Variants in TACR3 observed in about 807,000 individuals in gnomAD.
The protein encoded by TACR3 is neuromedin-K receptor.
A neutral mutation model predicts 35.0 loss-of-function variants in TACR3; 34 were observed. The observed-to-expected ratio is 0.97, with a 90% CI of 0.74 to 1.30. The LOEUF is 1.30. TACR3 is among the 50% of genes most tolerant of loss of function. The probability of loss-of-function intolerance (pLI) is 0.00; values close to 1 mark genes in which losing one functional copy is unlikely to be tolerated. For synonymous variants in TACR3, 233 were observed against 221.1 expected (o/e 1.05, Z -0.48); for missense variants, 558 against 591.7 (o/e 0.94, Z 0.59).
At chr4:103,611,919 A>ATATC (rs1724521109) in intron 3 of TACR3, among the ~76,000 whole-genome samples, 1 of 152,172 alleles carries the variant, frequency 6.6e-6, no homozygotes, top group African/African-American at 2.4e-5. Flanking sequence ...AATAAGTCTT[A>ATATC]TATCTTTTAA....
At chr4:103,678,562 C>T (rs1455146950) in intron 1 of TACR3, among the ~76,000 whole-genome samples, 1 of 152,038 alleles carries the variant, frequency 6.6e-6, no homozygotes, top group African/African-American at 2.4e-5. Flanking sequence ...CTTTAAAAAT[C>T]ACCTCCATTC....
At chr4:103,686,108 C>T (rs1051891749) in intron 1 of TACR3, among the ~76,000 whole-genome samples, 88 of 152,250 alleles carry the variant, frequency 5.8e-4, no homozygotes, top group African/African-American at 2.0e-3. Flanking sequence ...CAGGATGATT[C>T]AGGGGAAGAG....
chr4:103,640,610 C>T (rs185151177), intron 3 of TACR3, among the ~76,000 whole-genome samples: 1 of 152,040 alleles, frequency 6.6e-6, no homozygotes, highest in African/African-American at 2.4e-5. Flanking sequence ...TTCTCCTAAT[C>T]CATTCATTGT....
At chr4:103,709,742 G>T (rs1578267836) in intron 1 of TACR3, among the ~76,000 whole-genome samples, 1 of 152,094 alleles carries the variant, frequency 6.6e-6, no homozygotes, top group Non-Finnish European at 1.5e-5. Context: ...AACCATCAGT[G>T]TGCTGAATTC....
At chr4:103,650,641 AT>A (rs1294738212) in intron 3 of TACR3, among the ~76,000 whole-genome samples, 1 of 68,926 alleles carries the variant, frequency 1.5e-5, no homozygotes, top group Non-Finnish European at 2.5e-5. Flanking sequence ...TATAATATAT[AT>A]TTAATATATA....
chr4:103,691,734 G>C (rs1722406856), intron 1 of TACR3, among the ~76,000 whole-genome samples: 1 of 152,106 alleles, frequency 6.6e-6, no homozygotes, highest in South Asian at 2.1e-4. Context: ...GCCTGCCCAG[G>C]GCGGAAAACT....
chr4:103,648,420 C>T (rs1578241938), intron 3 of TACR3, among the ~76,000 whole-genome samples: 1 of 148,494 alleles, frequency 6.7e-6, no homozygotes, highest in African/African-American at 2.5e-5. Context: ...TAACACTTCC[C>T]ACTTCACCCC....
At chr4:103,703,926 C>A (rs994168126) in intron 1 of TACR3, among the ~76,000 whole-genome samples, 13 of 151,472 alleles carry the variant, frequency 8.6e-5, no homozygotes, top group Non-Finnish European at 1.3e-4. Context: ...CAGTGAAACC[C>A]CATCTCTACT....
intron 3 of TACR3, among the ~76,000 whole-genome samples, chr4:103,614,935 C>T (rs146793136): frequency 0.093 from 10,971 of 118,382 alleles, 621 homozygotes; most frequent in Non-Finnish European, 0.13. Context: ...TGCTCTGTCA[C>T]CCAGTCTGGA....
rs1187125858 is a variant in TACR3 at position 103,630,435 on chromosome 4, CCTAT to C, written c.888+25755_888+25758del. 6.6e-5 allele frequency among the ~76,000 whole-genome samples: 10 copies of C among 152,100 alleles called. No homozygotes were observed. In the South Asian group the frequency reaches 1.2e-3, roughly 19 times the overall value. The stretch of plus-strand genomic sequence containing the variant: ...AGTGTGAGAAAATCTTTGCAATCTA[CCTAT>C]CTAACAAACGGCTAATATCCAGAAT... On this transcript the variant is annotated intron_variant, in intron 3 of 4. Coordinates refer to ENST00000304883, the MANE Select transcript of TACR3 (RefSeq NM_001059.3).
At chr4:103,594,180 C>A (rs1305426459) in intron 3 of TACR3, among the ~76,000 whole-genome samples, 3 of 86,322 alleles carry the variant, frequency 3.5e-5, no homozygotes, top group East Asian at 1.4e-3. Context: ...CCAAAAATAA[C>A]CTTTTTTTTT....
At chr4:103,612,289 C>T (rs2110297897) in intron 3 of TACR3, among the ~76,000 whole-genome samples, 1 of 152,288 alleles carries the variant, frequency 6.6e-6, no homozygotes, top group Non-Finnish European at 1.5e-5. Flanking sequence ...TGCTCTTCTC[C>T]TAATTCTTTG....
intron 3 of TACR3, among the ~76,000 whole-genome samples, chr4:103,645,233 TAAAG>T (rs1289847191): frequency 6.6e-6 from 1 of 151,900 alleles, no homozygotes; most frequent in Admixed American, 6.6e-5. Flanking sequence ...AGCAGGGTAG[TAAAG>T]GAAGACAATT....
At chr4:103,605,672 G>A (rs1358063404) in intron 3 of TACR3, among the ~76,000 whole-genome samples, 1 of 151,826 alleles carries the variant, frequency 6.6e-6, no homozygotes, top group African/African-American at 2.4e-5. Flanking sequence ...TTTCGATGGG[G>A]TTGTTTTTTT....
At chr4:103,676,997 C>T (rs1163463912) in intron 1 of TACR3, among the ~76,000 whole-genome samples, 1 of 151,998 alleles carries the variant, frequency 6.6e-6, no homozygotes, top group East Asian at 1.9e-4. Context: ...CTATAAAGAA[C>T]TTAACAAATT....
intron 1 of TACR3, among the ~76,000 whole-genome samples, chr4:103,669,813 C>T (rs1726016605): frequency 6.6e-6 from 1 of 151,738 alleles, no homozygotes; most frequent in African/African-American, 2.4e-5. Flanking sequence ...AGATTTTTTT[C>T]ATTGGTGTGA....
At chr4:103,615,759 C>G (rs1479607685) in intron 3 of TACR3, among the ~76,000 whole-genome samples, 2 of 152,058 alleles carry the variant, frequency 1.3e-5, no homozygotes, top group Non-Finnish European at 2.9e-5. Flanking sequence ...AAAAAGTACA[C>G]AGACTCTAAT....
chr4:103,715,217 C>G (rs562621407), intron 1 of TACR3, among the ~76,000 whole-genome samples: 14 of 152,072 alleles, frequency 9.2e-5, no homozygotes, highest in Non-Finnish European at 1.5e-4. Flanking sequence ...ATTGTAATCC[C>G]CAATGTTGGA....
At chr4:103,598,444 G>A (rs928112136) in intron 3 of TACR3, among the ~76,000 whole-genome samples, 2 of 152,176 alleles carry the variant, frequency 1.3e-5, no homozygotes, top group African/African-American at 2.4e-5. Flanking sequence ...CTGTGCAGAA[G>A]CTCTTTAGAT....
Sources: allele counts gnomAD v4.1 joint callset (sites outside exome capture counted in the v4.1 genomes callset), GRCh38; gene constraint gnomAD v4.1.1; transcripts MANE v1.5; gene names NCBI Gene and HGNC (gene_info 2026-07-23, HGNC 2026-07-21).